DCAF6: variants seen among roughly 807,000 people sequenced by gnomAD.
DCAF6 encodes DDB1- and CUL4-associated factor 6.
Under a neutral mutation model 125.1 loss-of-function variants are expected in DCAF6, and 54 were observed. That is an observed-to-expected ratio of 0.43 (90% CI 0.35 to 0.54). The LOEUF (loss-of-function observed/expected upper bound fraction) is 0.54, where lower values mean the gene tolerates loss of function less well. Ranked by LOEUF, DCAF6 falls within the 20% of genes least tolerant of loss-of-function variation. DCAF6 has a pLI of 0.01. For synonymous variants in DCAF6, 371 were observed against 390.4 expected (o/e 0.95, Z 0.58); for missense variants, 934 against 1,161.7 (o/e 0.80, Z 2.85).
chr1:168,067,162 A>G (rs555055400), intron 20 of DCAF6, among the ~76,000 whole-genome samples: 19 of 152,330 alleles, frequency 1.2e-4, no homozygotes, highest in Admixed American at 8.5e-4. Flanking sequence ...AAATGTTAGT[A>G]AGTTGGAAAA....
chr1:168,035,872 G>A (rs1029325508), intron 12 of DCAF6, among the ~76,000 whole-genome samples: 16 of 152,074 alleles, frequency 1.1e-4, no homozygotes, highest in Non-Finnish European at 7.4e-5. Context: ...AGACCAGCCT[G>A]GCTAACATGG....
At chr1:167,872,154 C>T in the DCAF6 span, among the ~76,000 whole-genome samples, 4 of 152,218 alleles carry the variant, frequency 2.6e-5, no homozygotes, top group South Asian at 2.1e-4. Flanking sequence ...CCAGCCTCAA[C>T]ATGGAGAAAC....
chr1:167,923,495 G>A, the DCAF6 span, among the ~76,000 whole-genome samples: 1 of 152,134 alleles, frequency 6.6e-6, no homozygotes, highest in Non-Finnish European at 1.5e-5. Context: ...TTAGAGTAGT[G>A]AAATTCATAG....
chr1:167,883,545 T>G, the DCAF6 span: 9 of 1,614,146 alleles, frequency 5.6e-6, no homozygotes, highest in Non-Finnish European at 7.6e-6. Context: ...CTGCTTTGTC[T>G]TGGTCTTCAA....
intron 2 of DCAF6, among the ~76,000 whole-genome samples, chr1:167,960,146 T>C (rs1210029961): frequency 6.6e-6 from 1 of 152,096 alleles, no homozygotes; most frequent in Non-Finnish European, 1.5e-5. Flanking sequence ...TTGTATTGAC[T>C]TTACTCCTTT....
At chr1:167,979,722 A>G (rs1678814444) in intron 4 of DCAF6, among the ~76,000 whole-genome samples, 1 of 152,050 alleles carries the variant, frequency 6.6e-6, no homozygotes, top group Non-Finnish European at 1.5e-5. Flanking sequence ...CCGTGCCTCT[A>G]TTGAAACTAC....
chr1:167,905,599 T>TA, the DCAF6 span, among the ~76,000 whole-genome samples: 16,562 of 145,432 alleles, frequency 0.11, 1,062 homozygotes, highest in African/African-American at 0.19. Context: ...TTTCTCTCTT[T>TA]AAAAAAAAAA....
upstream of DCAF6, chr1:167,935,813 C>A: frequency 6.4e-7 from 1 of 1,555,262 alleles, no homozygotes; most frequent in East Asian, 2.4e-5. Context: ...GTAGGTGGCC[C>A]GCAGGCCTCG....
At chr1:168,002,000 C>T (rs1017564668) in intron 7 of DCAF6, among the ~76,000 whole-genome samples, 8 of 151,926 alleles carry the variant, frequency 5.3e-5, no homozygotes, top group Admixed American at 1.3e-4. Context: ...CATAAAGGGT[C>T]GCAATAGATT....
the DCAF6 span, among the ~76,000 whole-genome samples, chr1:167,907,353 T>C: frequency 6.6e-6 from 1 of 152,216 alleles, no homozygotes; most frequent in Non-Finnish European, 1.5e-5. Flanking sequence ...TAACAAAGGC[T>C]TATTTCTTGT....
At chr1:167,959,600 A>C (rs1327229371) in intron 2 of DCAF6, among the ~76,000 whole-genome samples, 1 of 152,196 alleles carries the variant, frequency 6.6e-6, no homozygotes, top group Non-Finnish European at 1.5e-5. Flanking sequence ...CCATTCTAAT[A>C]GATATGTAGT....
intron 17 of DCAF6, among the ~76,000 whole-genome samples, chr1:168,059,804 C>T (rs1002809891): frequency 2.6e-5 from 4 of 152,014 alleles, no homozygotes; most frequent in Non-Finnish European, 5.9e-5. Context: ...TGCCACCACT[C>T]CTGGCTTATT....
At chr1:167,981,301 G>A (rs556524395) in intron 4 of DCAF6, among the ~76,000 whole-genome samples, 3 of 152,290 alleles carry the variant, frequency 2.0e-5, no homozygotes, top group African/African-American at 7.2e-5. Flanking sequence ...TAGGGTAAGG[G>A]TCTAAGTTCA....
chr1:167,889,183 C>G, the DCAF6 span, among the ~76,000 whole-genome samples: 2 of 152,122 alleles, frequency 1.3e-5, no homozygotes, highest in African/African-American at 4.8e-5. Context: ...TAGTTTCTCC[C>G]TATTCATTAT....
chr1:168,005,633 G>A (rs1172369167), intron 10 of DCAF6, among the ~76,000 whole-genome samples: 1 of 152,064 alleles, frequency 6.6e-6, no homozygotes, highest in Non-Finnish European at 1.5e-5. Context: ...TAGCTGGCAG[G>A]CCTAAGCTGA....
In DCAF6 at chr1:168,041,550, A is replaced by G. The variant is rs1168794790; in HGVS notation, c.1728-1475A>G. Among the ~76,000 whole-genome samples, 4 of 152,138 alleles carry G rather than the reference A, an allele frequency of 2.6e-5. No individual in the cohort carries two copies. The East Asian group carries it at 7.7e-4, about 29-fold the overall frequency. The stretch of plus-strand genomic sequence containing the variant: ...TTCCTTCTAGAATTTATTTTCCCAT[A>G]AAGTATAACGTGAAGCCATAGCTTT... On this transcript the variant is annotated intron_variant, in intron 13 of 21. Coordinates refer to ENST00000367840, the MANE Select transcript of DCAF6 (RefSeq NM_001198956.2).
At position 167,975,151 on chromosome 1, in the gene DCAF6, A is replaced by G. The variant is rs561251027; in HGVS notation, c.438+136A>G. On this transcript the variant is annotated intron_variant, in intron 4 of 21. Transcript: ENST00000367840. The stretch of plus-strand genomic sequence containing the variant: ...ATTTGATGCATATAAATTATTGACA[A>G]TATCTAGGTGTCAGCAGAGCATTTG... The G allele has an allele frequency of 3.2e-5, 15 of 475,006 alleles. No individual in the cohort carries two copies. In the South Asian group the frequency reaches 1.2e-3, roughly 39 times the overall value. 29.4% of individuals were successfully genotyped at this position (475,006 alleles called of 1,614,324 possible).
At chr1:167,989,046 C>T (rs565563798) in intron 5 of DCAF6, among the ~76,000 whole-genome samples, 1 of 152,244 alleles carries the variant, frequency 6.6e-6, no homozygotes, top group Non-Finnish European at 1.5e-5. Flanking sequence ...CACCACTGCA[C>T]TCCAGCTCGG....
At chr1:167,915,406 T>C in the DCAF6 span, among the ~76,000 whole-genome samples, 2 of 152,228 alleles carry the variant, frequency 1.3e-5, no homozygotes, top group East Asian at 1.9e-4. Context: ...AAATTAAAAC[T>C]TCCTTTAAAG....
Sources: gnomAD v4.1 joint callset for allele counts (sites outside exome capture counted in the v4.1 genomes callset) on GRCh38, gnomAD v4.1.1 for gene constraint, MANE v1.5 for transcripts, NCBI Gene and HGNC (gene_info 2026-07-23, HGNC 2026-07-21) for gene names.